Variants in TBC1D31 observed in about 807,000 individuals in gnomAD.
The protein encoded by TBC1D31 is WD repeat domain 67.
In TBC1D31, 99 loss-of-function variants were observed where a neutral mutation model predicts 132.9. The ratio of observed to expected loss-of-function variants is 0.74; its 90% CI spans 0.63 to 0.88. TBC1D31 has a LOEUF of 0.88. TBC1D31 is among the 40% of genes least tolerant of loss of function. TBC1D31 has a pLI of 0.00. For synonymous variants in TBC1D31, 385 were observed against 419.4 expected (o/e 0.92, Z 1.00); for missense variants, 1,134 against 1,256.6 (o/e 0.90, Z 1.48).
At position 123,102,349 on chromosome 8, in the gene TBC1D31, G is replaced by GTTTGCCGTGGCA. The variant is rs1586621091; in HGVS notation, c.1032+1348_1032+1349insGTGGCATTTGCC. 12 of 417,908 alleles carry GTTTGCCGTGGCA rather than the reference G, an allele frequency of 2.9e-5. No individual in the cohort carries two copies. In the East Asian group the frequency reaches 8.9e-4, roughly 31 times the overall value. The allele number at this position is 417,908 out of a possible 1,614,324, so 25.9% of individuals were successfully genotyped here. A position where few individuals can be genotyped will look rare whatever the true frequency, so the allele number is the denominator to read the frequency against. ...TGAGATTGGGTGCATTTGGAGTGGC[G>GTTTGCCGTGGCA]TTTGCCACCTTTTTTTATTCTAAAA... On this transcript the variant is annotated intron_variant, in intron 7 of 21. Transcript: ENST00000287380.
At chr8:123,158,549 G>A in the TBC1D31 span, among the ~76,000 whole-genome samples, 1 of 152,120 alleles carries the variant, frequency 6.6e-6, no homozygotes, top group Non-Finnish European at 1.5e-5. Context: ...CTAGGTGGGT[G>A]TGCGGATATT....
intron 20 of TBC1D31, among the ~76,000 whole-genome samples, chr8:123,145,171 C>T (rs922015954): frequency 1.3e-5 from 2 of 152,180 alleles, no homozygotes; most frequent in African/African-American, 2.4e-5. Flanking sequence ...ACCATCCTCC[C>T]GCCTTGCCTC....
At chr8:123,124,772 A>AT (rs1819865541) in intron 11 of TBC1D31, among the ~76,000 whole-genome samples, 1 of 143,460 alleles carries the variant, frequency 7.0e-6, no homozygotes, top group East Asian at 2.0e-4. Flanking sequence ...TACTGAAAAT[A>AT]CAAAAAAAAA....
intron 2 of TBC1D31, 30 bp downstream of exon 2, chr8:123,077,287 T>C (rs760213433): frequency 6.4e-7 from 1 of 1,551,392 alleles, no homozygotes; most frequent in Non-Finnish European, 8.7e-7. Context: ...ATCTACGTTC[T>C]TTAACAAGTT....
intron 6 of TBC1D31, among the ~76,000 whole-genome samples, chr8:123,099,377 C>T (rs1817145294): frequency 6.6e-6 from 1 of 152,178 alleles, no homozygotes; most frequent in South Asian, 2.1e-4. Flanking sequence ...GTGTCGGCCT[C>T]CCAAAGTGCT....
At chr8:123,090,523 A>G (rs1407649100) in intron 4 of TBC1D31, among the ~76,000 whole-genome samples, 2 of 152,234 alleles carry the variant, frequency 1.3e-5, no homozygotes, top group African/African-American at 4.8e-5. Context: ...CATCTAATAA[A>G]GAGTGTTTTG....
intron 7 of TBC1D31, among the ~76,000 whole-genome samples, chr8:123,104,375 G>T (rs183630044): frequency 1.3e-5 from 2 of 152,184 alleles, no homozygotes; most frequent in Non-Finnish European, 2.9e-5. Context: ...GAGAATATAT[G>T]TGTTTTTAAT....
chr8:123,079,100 CTG>C (rs1005362839), intron 2 of TBC1D31, among the ~76,000 whole-genome samples: 8 of 152,234 alleles, frequency 5.3e-5, no homozygotes, highest in African/African-American at 1.9e-4. Flanking sequence ...AATAACAAAA[CTG>C]TGCTGATATC....
At chr8:123,114,259 A>G (rs77878834) in intron 10 of TBC1D31, among the ~76,000 whole-genome samples, 4,479 of 152,122 alleles carry the variant, frequency 0.029, 223 homozygotes, top group African/African-American at 0.1. Context: ...CTAGTTTTAT[A>G]TATGTTTGGA....
At chr8:123,085,679 G>T (rs997743066) in intron 4 of TBC1D31, among the ~76,000 whole-genome samples, 1 of 152,124 alleles carries the variant, frequency 6.6e-6, no homozygotes, top group Non-Finnish European at 1.5e-5. Context: ...AAAGTGCTGG[G>T]ATTACAGGCG....
intron 5 of TBC1D31, 113 bp downstream of exon 5, chr8:123,093,855 T>C: frequency 1.4e-6 from 1 of 729,816 alleles, no homozygotes. Context: ...TAGAAAAAGT[T>C]ACCTTCAAAT....
intron 11 of TBC1D31, 24 bp from the exon 12 acceptor site, chr8:123,126,032 T>C: frequency 1.3e-6 from 2 of 1,552,336 alleles, no homozygotes. Context: ...TTTAAAGATA[T>C]GTTTTCTTTT....
chr8:123,163,489 C>T, the TBC1D31 span, among the ~76,000 whole-genome samples: 1 of 151,336 alleles, frequency 6.6e-6, no homozygotes, highest in Admixed American at 6.6e-5. Context: ...CTCAGCCTCC[C>T]AAGTAGCTGG....
At chr8:123,082,881 C>A (rs560194025) in intron 3 of TBC1D31, 64 bp downstream of exon 3, 3 of 1,126,082 alleles carry the variant, frequency 2.7e-6, no homozygotes, top group Non-Finnish European at 3.9e-6. Flanking sequence ...ACTGCAAGAA[C>A]TTTATCACTC....
At chr8:123,151,616 C>T (rs1456628718) in intron 21 of TBC1D31, among the ~76,000 whole-genome samples, 190 bp from the exon 22 acceptor site, 3 of 152,178 alleles carry the variant, frequency 2.0e-5, no homozygotes, top group Non-Finnish European at 4.4e-5. Flanking sequence ...TGTTAGCATT[C>T]ATTCAGTCCA....
chr8:123,163,364 C>CTTTTTTT, the TBC1D31 span, among the ~76,000 whole-genome samples: 12 of 110,076 alleles, frequency 1.1e-4, no homozygotes, highest in South Asian at 3.0e-4. Context: ...TCACTTTAAC[C>CTTTTTTT]TTTTTTTTTT....
the TBC1D31 span, among the ~76,000 whole-genome samples, chr8:123,160,538 A>G: frequency 6.6e-6 from 1 of 151,984 alleles, no homozygotes; most frequent in Non-Finnish European, 1.5e-5. Context: ...GGCTGGGCTG[A>G]TCCTGCCTTG....
chr8:123,147,502 A>G (rs1822337467), intron 20 of TBC1D31, among the ~76,000 whole-genome samples: 1 of 152,160 alleles, frequency 6.6e-6, no homozygotes, highest in South Asian at 2.1e-4. Context: ...AAAATAGAAA[A>G]TCTTTAGAGA....
intron 2 of TBC1D31, among the ~76,000 whole-genome samples, chr8:123,078,558 C>T (rs533609779): frequency 3.0e-4 from 46 of 152,246 alleles, no homozygotes; most frequent in African/African-American, 9.9e-4. Context: ...TTCAAAATAC[C>T]ACTTTCTACT....
Sources: allele counts gnomAD v4.1 joint callset (sites outside exome capture counted in the v4.1 genomes callset), GRCh38; gene constraint gnomAD v4.1.1; transcripts MANE v1.5; gene names NCBI Gene and HGNC (gene_info 2026-07-23, HGNC 2026-07-21).